USP24: variants seen among roughly 807,000 people sequenced by gnomAD.
USP24 encodes ubiquitin specific peptidase 24, also known as ubiquitin carboxyl-terminal hydrolase 24.
In USP24, 97 loss-of-function variants were observed where a neutral mutation model predicts 361.6. That is an observed-to-expected ratio of 0.27 (90% CI 0.23 to 0.32). The LOEUF (loss-of-function observed/expected upper bound fraction) is 0.32. USP24 is among the 10% of genes least tolerant of loss of function. The pLI is 1.00. For synonymous variants in USP24, 1,098 were observed against 1,124.6 expected (o/e 0.98, Z 0.47); for missense variants, 2,353 against 3,165.6 (o/e 0.74, Z 6.16).
chr1:55,175,626 C>T (rs980641930), intron 3 of USP24, among the ~76,000 whole-genome samples: 2 of 152,082 alleles, frequency 1.3e-5, no homozygotes, highest in African/African-American at 4.8e-5. Flanking sequence ...AGCAGTTAAG[C>T]CAGCAAAAGA....
intron 36 of USP24, among the ~76,000 whole-genome samples, chr1:55,121,898 TAAAC>T (rs1646293743): frequency 6.6e-6 from 1 of 152,186 alleles, no homozygotes; most frequent in African/African-American, 2.4e-5. Context: ...ATCTCTAAGT[TAAAC>T]AATTCTAGGA....
At chr1:55,166,724 T>C in intron 5 of USP24, 121 bp from the exon 6 acceptor site, 4 of 1,023,168 alleles carry the variant, frequency 3.9e-6, no homozygotes, top group South Asian at 1.6e-5. Flanking sequence ...GAAACTATTT[T>C]CAAAGTTTTT....
At position 55,137,545 on chromosome 1, in the gene USP24, C is replaced by T; in HGVS notation, c.3171G>A (p.Gly1057=). 1 of 1,613,224 alleles carries T rather than the reference C, an allele frequency of 6.2e-7. No individual in the cohort carries two copies. The change falls in exon 28 of 68, where the codon GGG becomes GGA. Residue 1057 remains glycine, a synonymous_variant. Transcript: ENST00000294383. ...SSTSSSSSSS[G]VFSSSYAMEQ... ...CCATGGCATATGAAGAACTAAAAACCCCACTGCTGCTGCTGCTGGAGCTGG... is the reference window on the plus strand; with the variant it reads ...CCATGGCATATGAAGAACTAAAAACTCCACTGCTGCTGCTGCTGGAGCTGG...
At chr1:55,193,587 G>C (rs1644343879) in intron 1 of USP24, among the ~76,000 whole-genome samples, 1 of 152,142 alleles carries the variant, frequency 6.6e-6, no homozygotes, top group Admixed American at 6.6e-5. Context: ...CTCAGTTTTA[G>C]CAGCCAGCAG....
In USP24 at chr1:55,124,498, G is replaced by A. The variant is rs376599050; in HGVS notation, c.4091C>T (p.Ala1364Val). 219 of 1,612,916 alleles carry A rather than the reference G, an allele frequency of 1.4e-4. No homozygotes were observed. The highest frequency in any genetic ancestry group is 1.7e-4 in the Non-Finnish European group (206 of 1,179,506). ...ACTGCTGAGTCTGTTTCGAATTCCA[G>A]CAGGACACAGGGAATTACTTTCTTT... ...PIKESNSLCPAGIRNRLSSSG... is the reference protein window; with the variant it reads ...PIKESNSLCPVGIRNRLSSSG... Residue 1364 changes from alanine to valine, a missense_variant, in exon 35 of 68, where the codon GCT (alanine) becomes GTT (valine). Physicochemically the swap from Ala to Val is moderately conservative, Grantham distance 64. Coordinates refer to ENST00000294383, the MANE Select transcript of USP24 (RefSeq NM_015306.3).
At chr1:55,101,554 G>A (rs374223880) in intron 43 of USP24, 30 bp downstream of exon 43, 192 of 1,580,168 alleles carry the variant, frequency 1.2e-4, no homozygotes, top group Admixed American at 5.1e-4. Context: ...ATTATCTATC[G>A]TACCAAAAAG....
intron 1 of USP24, among the ~76,000 whole-genome samples, chr1:55,207,729 T>C (rs1321146669): frequency 6.6e-6 from 1 of 152,236 alleles, no homozygotes; most frequent in African/African-American, 2.4e-5. Flanking sequence ...CAGCCCCCTA[T>C]GGCTATCAAG....
chr1:55,143,644 T>C (rs910779948), intron 21 of USP24, among the ~76,000 whole-genome samples: 4 of 151,736 alleles, frequency 2.6e-5, no homozygotes, highest in Non-Finnish European at 4.4e-5. Context: ...TTTTTTTTTT[T>C]AAAGGAGCAT....
At chr1:55,136,503 G>A (rs542883215) in intron 28 of USP24, among the ~76,000 whole-genome samples, 14 of 152,268 alleles carry the variant, frequency 9.2e-5, no homozygotes, top group Admixed American at 8.5e-4. Context: ...GACTGAACTG[G>A]TCTAAGAGCA....
intron 55 of USP24, chr1:55,086,336 C>T: frequency 2.6e-6 from 1 of 381,892 alleles, no homozygotes. Flanking sequence ...GAGGTACAAT[C>T]AGACTCAGCT....
At chr1:55,071,719 G>C in intron 67 of USP24, 95 bp downstream of exon 67, 1 of 1,282,548 alleles carries the variant, frequency 7.8e-7, no homozygotes, top group Non-Finnish European at 1.1e-6. Flanking sequence ...CATTCCAGAG[G>C]AAGCATCTTG....
At chr1:55,089,551 G>A (rs1436546768) in intron 55 of USP24, 76 bp downstream of exon 55, 5 of 931,770 alleles carry the variant, frequency 5.4e-6, no homozygotes, top group Non-Finnish European at 4.8e-6. Context: ...GAAATAAAAA[G>A]GGTTATAAGA....
intron 50 of USP24, among the ~76,000 whole-genome samples, chr1:55,095,946 G>T (rs1199434125): frequency 1.3e-5 from 2 of 152,192 alleles, no homozygotes; most frequent in African/African-American, 4.8e-5. Context: ...TCAGGTTTCT[G>T]AAATGCTAAG....
intron 38 of USP24, 35 bp downstream of exon 38, chr1:55,120,561 T>A (rs1455998371): frequency 2.6e-6 from 4 of 1,511,364 alleles, no homozygotes; most frequent in East Asian, 2.5e-5. Context: ...ATCCTCTCTC[T>A]GTATAAGGTT....
chr1:55,093,982 C>T lies in USP24; in HGVS notation c.6309G>A (p.Glu2103=). The change falls in exon 52 of 68, where the codon GAG becomes GAA. Residue 2103 remains glutamate, a synonymous_variant. Transcript: ENST00000294383. ...TTTTCTCCACAAACAGTCCTTTCTT[C>T]TCGCCTTTTTTAACCAGCTTGGTAA... is the stretch of plus-strand genomic sequence containing the variant. The part of the protein sequence containing the change: ...SILTKLVKKG[E]KKGLFVEKMP... 6.2e-7 allele frequency: 1 copy of T among 1,613,848 alleles called. No homozygotes were observed. The highest frequency in any genetic ancestry group is 8.5e-7 in the Non-Finnish European group (1 of 1,179,866).
At position 55,143,129 on chromosome 1, in the gene USP24, AG is replaced by A; in HGVS notation, c.2440-11del. On this transcript the variant is annotated splice_polypyrimidine_tract_variant and intron_variant, in intron 21 of 67. Coordinates refer to ENST00000294383, the MANE Select transcript of USP24 (RefSeq NM_015306.3). Reference sequence around the variant, plus strand: ...CCAGCTTTTCTACATACTGTTCAAAAGAAAAAAAATTAAATTATAAAGCATA... The same window carrying A: ...CCAGCTTTTCTACATACTGTTCAAAAAAAAAAAATTAAATTATAAAGCATA... 1 of 1,479,476 alleles carries A rather than the reference AG, an allele frequency of 6.8e-7. No homozygotes were observed. Among genetic ancestry groups the A allele is most frequent in the African/African-American group, 1.5e-5 (1 of 68,918 alleles). The allele number at this position is 1,479,476 out of a possible 1,614,324, so 91.6% of individuals were successfully genotyped here.
At chr1:55,137,948 T>TA in intron 26 of USP24, 44 bp from the exon 27 acceptor site, 1 of 1,531,034 alleles carries the variant, frequency 6.5e-7, no homozygotes, top group Admixed American at 2.0e-5. Flanking sequence ...TTCATTTATT[T>TA]ATTCATTTAA....
intron 1 of USP24, among the ~76,000 whole-genome samples, chr1:55,197,017 A>C (rs1644438465): frequency 6.6e-6 from 1 of 152,234 alleles, no homozygotes; most frequent in African/African-American, 2.4e-5. Context: ...CATATAGCAT[A>C]TAGTTGCTTT....
chr1:55,166,029 T>A, intron 6 of USP24, 79 bp from the exon 7 acceptor site: 14 of 1,367,466 alleles, frequency 1.0e-5, no homozygotes, highest in Non-Finnish European at 1.4e-5. Context: ...TGGTACATAG[T>A]AGGTGTATAT....
Sources: allele counts gnomAD v4.1 joint callset (sites outside exome capture counted in the v4.1 genomes callset), GRCh38; gene constraint gnomAD v4.1.1; transcripts MANE v1.5; gene names NCBI Gene and HGNC (gene_info 2026-07-23, HGNC 2026-07-21).